SUGCT: variants seen among roughly 807,000 people sequenced by gnomAD.
SUGCT encodes succinyl-CoA:glutarate CoA-transferase.
SUGCT carries 41 observed loss-of-function variants against 55.0 expected under a neutral mutation model. The ratio of observed to expected loss-of-function variants is 0.74; its 90% CI spans 0.58 to 0.97. The LOEUF (loss-of-function observed/expected upper bound fraction) is 0.97. Ranked by LOEUF, SUGCT falls within the 50% of genes least tolerant of loss-of-function variation. SUGCT has a pLI of 0.00. For missense variants in SUGCT, 568 were observed against 547.8 expected, an observed-to-expected ratio of 1.04 and a Z score of -0.37; for synonymous variants, 187 against 200.4, an observed-to-expected ratio of 0.93 and a Z score of 0.56.
At chr7:41,013,468 G>A in the SUGCT span, among the ~76,000 whole-genome samples, 7 of 152,222 alleles carry the variant, frequency 4.6e-5, no homozygotes, top group African/African-American at 1.4e-4. Flanking sequence ...CAGCCAGTGA[G>A]TCAGTTCTGA....
intron 6 of SUGCT, among the ~76,000 whole-genome samples, chr7:40,209,317 C>A (rs950567793): frequency 1.3e-5 from 2 of 149,932 alleles, no homozygotes; most frequent in Non-Finnish European, 3.0e-5. Flanking sequence ...ATCAGCCTGG[C>A]CAAATCCCAT....
At chr7:40,949,814 A>C in the SUGCT span, among the ~76,000 whole-genome samples, 1 of 152,048 alleles carries the variant, frequency 6.6e-6, no homozygotes, top group Non-Finnish European at 1.5e-5. Context: ...ACTGGTCTAT[A>C]TCTCTGTTTT....
At chr7:40,999,669 C>T in the SUGCT span, among the ~76,000 whole-genome samples, 2 of 152,064 alleles carry the variant, frequency 1.3e-5, no homozygotes, top group Non-Finnish European at 2.9e-5. Context: ...AATGAGATTC[C>T]AGTGGGGCCA....
chr7:40,348,261 C>A (rs1584739884), intron 9 of SUGCT, among the ~76,000 whole-genome samples: 1 of 152,312 alleles, frequency 6.6e-6, no homozygotes, highest in East Asian at 1.9e-4. Context: ...GAATTTCTTG[C>A]AGTCAGGTGG....
At chr7:40,663,133 A>C (rs1801416471) in intron 12 of SUGCT, among the ~76,000 whole-genome samples, 2 of 152,214 alleles carry the variant, frequency 1.3e-5, no homozygotes, top group African/African-American at 4.8e-5. Flanking sequence ...TTAGTAAACT[A>C]TTTTATCTTC....
chr7:40,495,227 CTTT>C (rs79094909), intron 11 of SUGCT, among the ~76,000 whole-genome samples: 5 of 138,562 alleles, frequency 3.6e-5, no homozygotes, highest in Non-Finnish European at 6.3e-5. Flanking sequence ...TATTTCTATG[CTTT>C]TTTTTTTTTT....
At chr7:41,000,205 CAT>C in the SUGCT span, among the ~76,000 whole-genome samples, 4 of 151,946 alleles carry the variant, frequency 2.6e-5, no homozygotes, top group Non-Finnish European at 5.9e-5. Flanking sequence ...TACTTACACA[CAT>C]ACACACACAC....
intron 7 of SUGCT, among the ~76,000 whole-genome samples, chr7:40,267,329 T>C (rs1316250798): frequency 6.6e-6 from 1 of 152,194 alleles, no homozygotes; most frequent in Admixed American, 6.5e-5. Context: ...AAACCGTTTC[T>C]GAGTGACCAT....
the SUGCT span, among the ~76,000 whole-genome samples, chr7:40,886,817 C>T: frequency 1.3e-5 from 2 of 152,294 alleles, no homozygotes; most frequent in Non-Finnish European, 2.9e-5. Flanking sequence ...TAATTCAGAC[C>T]TACTGACAGG....
At chr7:41,012,116 G>T in the SUGCT span, among the ~76,000 whole-genome samples, 7 of 152,052 alleles carry the variant, frequency 4.6e-5, no homozygotes, top group Non-Finnish European at 2.9e-5. Context: ...TGATTCCCCA[G>T]TTTCTCAAGT....
At chr7:40,146,978 CTCTT>C (rs1426530716) in intron 1 of SUGCT, among the ~76,000 whole-genome samples, 3 of 152,010 alleles carry the variant, frequency 2.0e-5, no homozygotes, top group African/African-American at 4.8e-5. Flanking sequence ...GACTTCCTGT[CTCTT>C]TCTGTCTCTT....
In SUGCT at chr7:40,289,761, G is replaced by A. The variant is rs980616686; in HGVS notation, c.720+15105G>A. On this transcript the variant is annotated intron_variant, in intron 8 of 13. Transcript: ENST00000335693. ...GATTGTATATCTAGAAAACCCCATTGTCTCAGCCCAAAATCTCCTTAAGCT... is the reference window on the plus strand; with the variant it reads ...GATTGTATATCTAGAAAACCCCATTATCTCAGCCCAAAATCTCCTTAAGCT... Among the ~76,000 whole-genome samples, 88 of 152,250 alleles carry A rather than the reference G, an allele frequency of 5.8e-4. No homozygotes were observed. The Middle Eastern group carries it at 0.017, about 29-fold the overall frequency.
the SUGCT span, chr7:40,966,784 G>C: frequency 2.0e-5 from 3 of 152,110 alleles, no homozygotes; most frequent in Non-Finnish European, 4.4e-5. Context: ...TTCATACTTG[G>C]GTTTACAAAT....
intron 13 of SUGCT, among the ~76,000 whole-genome samples, chr7:40,824,272 T>C (rs144930866): frequency 7.0e-4 from 106 of 152,110 alleles, no homozygotes; most frequent in African/African-American, 2.4e-3. Context: ...GTAAAGCTGA[T>C]GGATGTTCTT....
At chr7:40,251,847 G>T (rs996898512) in intron 7 of SUGCT, among the ~76,000 whole-genome samples, 2 of 150,822 alleles carry the variant, frequency 1.3e-5, no homozygotes, top group Non-Finnish European at 3.0e-5. Context: ...TCAATCTTTT[G>T]CTTGGCTTTA....
chr7:40,248,653 C>T (rs749266425), intron 7 of SUGCT, among the ~76,000 whole-genome samples: 1 of 152,028 alleles, frequency 6.6e-6, no homozygotes, highest in Non-Finnish European at 1.5e-5. Flanking sequence ...AGGCATGAGC[C>T]ACCACATCTG....
At chr7:40,481,521 A>G (rs1791034631) in intron 11 of SUGCT, among the ~76,000 whole-genome samples, 2 of 151,986 alleles carry the variant, frequency 1.3e-5, no homozygotes, top group South Asian at 4.1e-4. Context: ...CTGCACATTA[A>G]AAACCACCAT....
intron 9 of SUGCT, among the ~76,000 whole-genome samples, chr7:40,383,149 G>C (rs1300664976): frequency 6.6e-6 from 1 of 152,196 alleles, no homozygotes; most frequent in Non-Finnish European, 1.5e-5. Flanking sequence ...GAGCTCTGAA[G>C]ATAGACTAAG....
At chr7:40,623,013 G>A (rs1198246460) in intron 12 of SUGCT, among the ~76,000 whole-genome samples, 1 of 152,128 alleles carries the variant, frequency 6.6e-6, no homozygotes, top group Non-Finnish European at 1.5e-5. Flanking sequence ...CTAACTCTTG[G>A]TCTGCTCTGA....
Sources: gnomAD v4.1 joint callset for allele counts (sites outside exome capture counted in the v4.1 genomes callset) on GRCh38, gnomAD v4.1.1 for gene constraint, MANE v1.5 for transcripts, NCBI Gene and HGNC (gene_info 2026-07-23, HGNC 2026-07-21) for gene names.